The following KDR variants were observed in gnomAD, a reference collection of about 807,000 sequenced individuals.
The protein encoded by KDR is kinase insert domain receptor, also known as vascular endothelial growth factor receptor 2.
KDR carries 43 observed loss-of-function variants against 160.9 expected under a neutral mutation model. That is an observed-to-expected ratio of 0.27 (90% CI 0.21 to 0.34). The LOEUF (loss-of-function observed/expected upper bound fraction) is 0.34, where lower values mean the gene tolerates loss of function less well. Among genes scored for constraint, KDR ranks in the 10% least tolerant of loss-of-function variants. The probability of loss-of-function intolerance (pLI) is 1.00; values close to 1 mark genes in which losing one functional copy is unlikely to be tolerated. For synonymous variants in KDR, 617 were observed against 600.1 expected (o/e 1.03, Z -0.41); for missense variants, 1,469 against 1,666.4 (o/e 0.88, Z 2.06).
Position 55,114,967 on chromosome 4 carries a change from T to C in KDR, c.565A>G (p.Ser189Gly), listed in dbSNP as rs202219558. ...ATGCCAGCATAGCTGATCATGTAGC[T>C]GGGAATAGTAAAGCCCTTCTTGCTG... ...WDSKKGFTIP[S>G]YMISYAGMVF... Residue 189 changes from serine to glycine, a missense_variant, in exon 5 of 30, where the codon AGC (serine) becomes GGC (glycine). Coordinates refer to ENST00000263923, the MANE Select transcript of KDR (RefSeq NM_002253.4). The C allele has an allele frequency of 6.2e-7, 1 of 1,613,866 alleles. No individual in the cohort carries two copies. The highest frequency in any genetic ancestry group is 2.2e-5 in the East Asian group (1 of 44,860).
At chr4:55,112,741 G>C (rs529802031) in intron 7 of KDR, among the ~76,000 whole-genome samples, 1 of 151,960 alleles carries the variant, frequency 6.6e-6, no homozygotes, top group Non-Finnish European at 1.5e-5. Flanking sequence ...TGTTGACCAG[G>C]CTGGTTTCGA....
intron 1 of KDR, among the ~76,000 whole-genome samples, chr4:55,123,638 G>T (rs745365799): frequency 3.3e-5 from 5 of 152,070 alleles, no homozygotes; most frequent in Non-Finnish European, 7.4e-5. Flanking sequence ...AATGTCATTC[G>T]TTTTCATTGG....
At chr4:55,116,190 G>T (rs1161368692) in intron 3 of KDR, among the ~76,000 whole-genome samples, 1 of 152,152 alleles carries the variant, frequency 6.6e-6, no homozygotes, top group Non-Finnish European at 1.5e-5. Context: ...GCTGAGGCAG[G>T]TGGATCACTT....
At position 55,095,005 on chromosome 4, in the gene KDR, T is replaced by G. The variant is rs186792060; in HGVS notation, c.2818-50A>C. 44 of 1,562,194 alleles carry G rather than the reference T, an allele frequency of 2.8e-5. No homozygotes were observed. The African/African-American group carries it at 4.9e-4, about 17-fold the overall frequency. ...AAACTCCTTGAATACAAAATGAGTC[T>G]TTAAAAGTTTACAACCTTTAAAATG... On this transcript the variant is annotated intron_variant, in intron 20 of 29. Coordinates refer to ENST00000263923, the MANE Select transcript of KDR (RefSeq NM_002253.4).
intron 27 of KDR, among the ~76,000 whole-genome samples, chr4:55,083,705 C>T (rs903284649): frequency 6.6e-6 from 1 of 151,848 alleles, no homozygotes; most frequent in East Asian, 1.9e-4. Flanking sequence ...CTACTTCCCA[C>T]TACAAGCAGA....
chr4:55,118,790 C>A lies in KDR; in HGVS notation c.172G>T (p.Asp58Tyr), dbSNP rs776989013. The A allele has an allele frequency of 1.2e-6, 2 of 1,614,004 alleles. No individual in the cohort carries two copies. The highest frequency in any genetic ancestry group is 2.2e-5 in the East Asian group (1 of 44,886). Residue 58 changes from aspartate (D) to tyrosine (Y), a missense_variant, in exon 3 of 30, where the codon GAC (aspartate) becomes TAC (tyrosine). Transcript: ENST00000263923. Reference protein sequence around the residue: ...TLQITCRGQRDLDWLWPNNQS... With the variant: ...TLQITCRGQRYLDWLWPNNQS... Reference sequence around the variant, plus strand: ...TTATTGGGCCAAAGCCAGTCCAAGTCCCTCTGTCCCCTGAAAAATTAATTT... The same window carrying A: ...TTATTGGGCCAAAGCCAGTCCAAGTACCTCTGTCCCCTGAAAAATTAATTT...
intron 20 of KDR, 144 bp downstream of exon 20, chr4:55,095,433 G>A: frequency 1.5e-6 from 1 of 687,442 alleles, no homozygotes; most frequent in South Asian, 1.6e-5. Context: ...GAAGGTAAAA[G>A]AGGAAGTTAC....
chr4:55,124,049 G>C (rs192498118), intron 1 of KDR, among the ~76,000 whole-genome samples: 1 of 152,190 alleles, frequency 6.6e-6, no homozygotes, highest in Admixed American at 6.5e-5. Context: ...GGCTTGTCTG[G>C]GACAAATGAG....
At chr4:55,118,822 G>A (rs1319858510) in intron 2 of KDR, 22 bp from the exon 3 acceptor site, 2 of 1,600,852 alleles carry the variant, frequency 1.2e-6, no homozygotes, top group Middle Eastern at 1.7e-4. Flanking sequence ...ATTTCAGGGA[G>A]GTATTAATAT....
intron 19 of KDR, 119 bp from the exon 20 acceptor site, chr4:55,095,784 A>T: frequency 1.4e-6 from 1 of 737,972 alleles, no homozygotes; most frequent in South Asian, 1.5e-5. Context: ...TCATTGGGAC[A>T]GGAGTGTAGA....
At position 55,098,255 on chromosome 4, in the gene KDR, C is replaced by T. The variant is rs778780206; in HGVS notation, c.2391G>A (p.Leu797=). The change falls in exon 17 of 30, where the codon CTG becomes CTA. Residue 797 remains leucine (L), a synonymous_variant. Transcript: ENST00000263923. Reference sequence around the variant, plus strand: ...TGACGATGGACAAGTAGCCTGTCTTCAGTTCCCCTCCATTGGCCTGGAAAG... The same window carrying T: ...TGACGATGGACAAGTAGCCTGTCTTTAGTTCCCCTCCATTGGCCTGGAAAG... ...RTVKRANGGE[L]KTGYLSIVMD... 1.3e-5 allele frequency: 21 copies of T among 1,613,874 alleles called. No homozygotes were observed. In the South Asian group the frequency reaches 1.9e-4, roughly 14 times the overall value.
chr4:55,121,036 T>G (rs1375819342), intron 2 of KDR, 61 bp downstream of exon 2: 10 of 1,159,088 alleles, frequency 8.6e-6, no homozygotes, highest in African/African-American at 1.5e-5. Context: ...GGAAATTATT[T>G]CCACTCAATA....
At chr4:55,096,958 C>T (rs1481301802) in intron 18 of KDR, among the ~76,000 whole-genome samples, 3 of 152,052 alleles carry the variant, frequency 2.0e-5, no homozygotes, top group African/African-American at 7.2e-5. Flanking sequence ...CTCCCTTGGC[C>T]ACAAGAGAAA....
intron 2 of KDR, among the ~76,000 whole-genome samples, chr4:55,120,328 G>A (rs1720839095): frequency 6.6e-6 from 1 of 152,146 alleles, no homozygotes; most frequent in African/African-American, 2.4e-5. Context: ...AAACACACAG[G>A]TCCTAAGAAG....
At chr4:55,101,479 A>G (rs1000210797) in intron 15 of KDR, among the ~76,000 whole-genome samples, 2 of 152,214 alleles carry the variant, frequency 1.3e-5, no homozygotes, top group South Asian at 2.1e-4. Flanking sequence ...GGATGTATCT[A>G]TGACTTCCCA....
At position 55,104,707 on chromosome 4, in the gene KDR, G is replaced by C. The variant is rs1032985058; in HGVS notation, c.1923C>G (p.Val641=). The C allele has an allele frequency of 1.2e-6, 2 of 1,613,890 alleles. No individual in the cohort carries two copies. Among genetic ancestry groups the C allele is most frequent in the African/African-American group, 2.7e-5 (2 of 75,024 alleles). ...TGGTCTTCCTGTCTTGAGCAAGGCA[G>C]ACATAGTCTCCTTGGTCCTGCAAGG... ...NASLQDQGDY[V]CLAQDRKTKK... Residue 641 remains valine, a synonymous_variant, in exon 13 of 30, where the codon GTC becomes GTG. Transcript: ENST00000263923.
intron 19 of KDR, 87 bp from the exon 20 acceptor site, chr4:55,095,752 C>A: frequency 1.1e-6 from 1 of 913,464 alleles, no homozygotes; most frequent in Non-Finnish European, 1.8e-6. Flanking sequence ...CCAAAAACAC[C>A]TTAGAAGAAG....
At chr4:55,114,425 AGAG>A (rs1483010220) in intron 5 of KDR, among the ~76,000 whole-genome samples, 160 bp from the exon 6 acceptor site, 1 of 152,210 alleles carries the variant, frequency 6.6e-6, no homozygotes, top group Non-Finnish European at 1.5e-5. Context: ...AATGGCCAAC[AGAG>A]GTTTACAAAG....
In KDR at chr4:55,102,587, A is replaced by T; in HGVS notation, c.1988-79T>A. 2.0e-6 allele frequency: 3 copies of T among 1,502,676 alleles called. No individual in the cohort carries two copies. In the South Asian group the frequency reaches 3.4e-5, roughly 17 times the overall value. 93.1% of individuals were successfully genotyped at this position (1,502,676 alleles called of 1,614,324 possible). On this transcript the variant is annotated intron_variant, in intron 13 of 29. Transcript: ENST00000263923. ...TTCTGGTATCAGCAAACTTTTAAAC[A>T]GTTTAAATTTAGTAAAAAGGAACTT...
Sources: gnomAD v4.1 joint callset for allele counts (sites outside exome capture counted in the v4.1 genomes callset) on GRCh38, gnomAD v4.1.1 for gene constraint, MANE v1.5 for transcripts, NCBI Gene and HGNC (gene_info 2026-07-23, HGNC 2026-07-21) for gene names.